HECTD4: variants seen among roughly 807,000 people sequenced by gnomAD.
HECTD4 encodes probable E3 ubiquitin-protein ligase HECTD4.
Under a neutral mutation model 471.5 loss-of-function variants are expected in HECTD4, and 114 were observed. The observed-to-expected ratio is 0.24, with a 90% CI of 0.21 to 0.28. HECTD4 has a LOEUF of 0.28. HECTD4 is among the 10% of genes least tolerant of loss of function. The probability of loss-of-function intolerance (pLI) is 1.00; values close to 1 mark genes in which losing one functional copy is unlikely to be tolerated. For missense variants in HECTD4, 3,866 were observed against 5,651.5 expected, an observed-to-expected ratio of 0.68 and a Z score of 10.13; for synonymous variants, 2,012 against 2,256.0, an observed-to-expected ratio of 0.89 and a Z score of 3.07.
rs773436344 is a variant in HECTD4, at chr12:112,204,514, G to A, written c.8241C>T (p.Asn2747=). ...PTIEDIKDEA[N]KFTIDKVRKG... ...TTCGAACTTTATCAATTGTGAACTT[G>A]TTTGCTTCGTCTTTAATGTCTTCAA... The change falls in exon 53 of 76, where the codon AAC becomes AAT. Residue 2747 remains asparagine, a synonymous_variant. Transcript: ENST00000682272. The A allele has an allele frequency of 1.1e-5, 17 of 1,613,468 alleles. No homozygotes were observed. The highest frequency in any genetic ancestry group is 1.7e-5 in the Admixed American group (1 of 59,930).
chr12:112,360,351 T>C (rs1046018331), intron 1 of HECTD4, among the ~76,000 whole-genome samples: 1 of 152,070 alleles, frequency 6.6e-6, no homozygotes, highest in Non-Finnish European at 1.5e-5. Flanking sequence ...ATGAATAAAA[T>C]GTATAAAGTA....
chr12:112,338,208 T>C (rs1244923611), intron 1 of HECTD4, among the ~76,000 whole-genome samples: 1 of 152,224 alleles, frequency 6.6e-6, no homozygotes, highest in Non-Finnish European at 1.5e-5. Context: ...ATCTCTTCTT[T>C]GTGTAATCTC....
At chr12:112,238,110 C>T (rs1478175204) in intron 34 of HECTD4, among the ~76,000 whole-genome samples, 1 of 152,056 alleles carries the variant, frequency 6.6e-6, no homozygotes, top group African/African-American at 2.4e-5. Context: ...TTTTGCCTGG[C>T]ATATAATAGA....
At chr12:112,207,725 G>A (rs976194901) in intron 52 of HECTD4, 149 bp downstream of exon 52, 10 of 889,158 alleles carry the variant, frequency 1.1e-5, no homozygotes, top group East Asian at 2.7e-5. Flanking sequence ...GAAAACAAAA[G>A]ATCAGAGTTC....
In HECTD4 at chr12:112,382,197, C is replaced by G; in HGVS notation, c.-69G>C. On this transcript the variant is annotated 5_prime_UTR_variant, in exon 1 of 76. Coordinates refer to ENST00000682272, the MANE Select transcript of HECTD4 (RefSeq NM_001388303.1). ...GGGGGAAACGGAGCAGGAGCCGCCG[C>G]GATCACCAGTCCATGGCAGCGGCCG... 8.5e-7 allele frequency: 1 copy of G among 1,170,004 alleles called. No homozygotes were observed. The highest frequency in any genetic ancestry group is 4.4e-5 in the Admixed American group (1 of 22,816). The allele number at this position is 1,170,004 out of a possible 1,614,324, so 72.5% of individuals were successfully genotyped here.
intron 1 of HECTD4, among the ~76,000 whole-genome samples, chr12:112,338,981 C>T (rs1049158942): frequency 3.9e-5 from 6 of 152,092 alleles, no homozygotes; most frequent in South Asian, 2.1e-4. Context: ...TATAATTCAA[C>T]GTGAGATTTG....
chr12:112,294,104 A>G (rs2034954461), intron 7 of HECTD4, among the ~76,000 whole-genome samples: 1 of 151,828 alleles, frequency 6.6e-6, no homozygotes, highest in African/African-American at 2.4e-5. Flanking sequence ...GTCTCACTTT[A>G]TTGCTCAGAC....
Position 112,300,886 on chromosome 12 carries a change from C to CT in HECTD4, c.1335+5177dup, listed in dbSNP as rs201073237. On this transcript the variant is annotated intron_variant, in intron 7 of 75. Coordinates refer to ENST00000682272, the MANE Select transcript of HECTD4 (RefSeq NM_001388303.1). ...CACCCAGCCTGTATTACTTCTTTTT[C>CT]TTTTTCTTTTTTTTTTGAGATGGAG... 9.3e-3 allele frequency among the ~76,000 whole-genome samples: 1,409 copies of CT among 151,512 alleles called. 82 individuals carry two copies. Among genetic ancestry groups the CT allele is most frequent in the Admixed American group, 0.083 (1,244 of 15,056 alleles).
In HECTD4 at chr12:112,188,701, C is replaced by A. The variant is rs1001049523; in HGVS notation, c.9472+2085G>T. The stretch of plus-strand genomic sequence containing the variant: ...GCTGACTTACTAAGTCCAGCACCTA[C>A]CAAAGAGGGGATCAAGCTTCCTGCT... On this transcript the variant is annotated intron_variant, in intron 60 of 75. Transcript: ENST00000682272. This position sits in a 1 kb window ranked among gnomAD's most constrained non-coding sequence, Gnocchi z 4.2. Among the ~76,000 whole-genome samples, 1 of 152,236 alleles carries A rather than the reference C, an allele frequency of 6.6e-6. No individual in the cohort carries two copies. The highest frequency in any genetic ancestry group is 1.5e-5 in the Non-Finnish European group (1 of 68,040).
intron 1 of HECTD4, among the ~76,000 whole-genome samples, chr12:112,345,771 T>C (rs2036137182): frequency 6.6e-6 from 1 of 152,144 alleles, no homozygotes; most frequent in East Asian, 1.9e-4. Flanking sequence ...GGCGGGCACC[T>C]GTAGTCCCAG....
At position 112,259,255 on chromosome 12, in the gene HECTD4, A is replaced by G. The variant is rs747766619; in HGVS notation, c.2884T>C (p.Leu962=). 6 of 1,613,784 alleles carry G rather than the reference A, an allele frequency of 3.7e-6. No individual in the cohort carries two copies. In the South Asian group the frequency reaches 6.6e-5, roughly 18 times the overall value. The change falls in exon 19 of 76, where the codon TTG becomes CTG. Residue 962 remains leucine (L), a synonymous_variant. Coordinates refer to ENST00000682272, the MANE Select transcript of HECTD4 (RefSeq NM_001388303.1). The part of the protein sequence containing the change: ...IADREQRLKG[L]EQVTKATMLG... The stretch of plus-strand genomic sequence containing the variant: ...ATAGTAGCCTTAGTAACTTGTTCCA[A>G]GCCTTTTAACCTACAAAAAGTTCAA...
At chr12:112,273,599 ATT>A in intron 11 of HECTD4, 54 bp downstream of exon 11, 1 of 1,533,280 alleles carries the variant, frequency 6.5e-7, no homozygotes, top group Non-Finnish European at 9.0e-7. Flanking sequence ...ATGCTGTGGT[ATT>A]CTCTCATATT....
At chr12:112,174,574 C>CT (rs1289935717) in intron 66 of HECTD4, among the ~76,000 whole-genome samples, 1 of 149,456 alleles carries the variant, frequency 6.7e-6, no homozygotes, top group African/African-American at 2.5e-5. Flanking sequence ...TTTTCTTTTT[C>CT]TTTTTTTTGA....
intron 21 of HECTD4, among the ~76,000 whole-genome samples, chr12:112,254,421 C>G (rs1190563835): frequency 6.6e-6 from 1 of 152,126 alleles, no homozygotes. Context: ...TATTACCACA[C>G]TTTAATTGGC....
intron 49 of HECTD4, 135 bp downstream of exon 49, chr12:112,212,352 C>G: frequency 1.4e-6 from 1 of 703,038 alleles, no homozygotes; most frequent in Non-Finnish European, 2.4e-6. Context: ...CTCAAGCTGG[C>G]TCTGCCCTTC....
In HECTD4 at chr12:112,381,848, C is replaced by G; in HGVS notation, c.177+104G>C. 1.2e-6 allele frequency: 1 copy of G among 833,112 alleles called. No homozygotes were observed. Among genetic ancestry groups the G allele is most frequent in the Non-Finnish European group, 1.6e-6 (1 of 631,492 alleles). 51.6% of individuals were successfully genotyped at this position (833,112 alleles called of 1,614,324 possible). On this transcript the variant is annotated intron_variant, in intron 1 of 75. Transcript: ENST00000682272. The surrounding 1 kb of genome is among the most constrained non-coding windows in gnomAD (Gnocchi z 4.1). ...GCCCACACACACCTGCCCCGGCAGC[C>G]GCCGGGAGGCGAGGCCGCGGCTGAG...
At position 112,248,522 on chromosome 12, in the gene HECTD4, C is replaced by A; in HGVS notation, c.3951-10G>T. ...TGGCTGAATCACTTCTCTGTGATCACAATGGAAATCAGTCAGATATATGCC... is the reference window on the plus strand; with the variant it reads ...TGGCTGAATCACTTCTCTGTGATCAAAATGGAAATCAGTCAGATATATGCC... On this transcript the variant is annotated splice_polypyrimidine_tract_variant and intron_variant, in intron 25 of 75. Coordinates refer to ENST00000682272, the MANE Select transcript of HECTD4 (RefSeq NM_001388303.1). 6.3e-7 allele frequency: 1 copy of A among 1,575,520 alleles called. No homozygotes were observed. The highest frequency in any genetic ancestry group is 1.2e-5 in the South Asian group (1 of 85,880).
chr12:112,346,572 C>T (rs78917148), intron 1 of HECTD4, among the ~76,000 whole-genome samples: 1,810 of 152,300 alleles, frequency 0.012, 41 homozygotes, highest in African/African-American at 0.042. Context: ...CCAAGACAAG[C>T]ACAAACAAAA....
Position 112,319,426 on chromosome 12 carries a change from C to G in HECTD4, c.494G>C (p.Cys165Ser). Residue 165 changes from cysteine (C) to serine (S), a missense_variant, in exon 2 of 76, where the codon TGT becomes TCT. By Grantham distance (112) the Cys-to-Ser change is moderately radical (BLOSUM62 -1). This residue lies in a region of HECTD4 where 440 missense variants were observed against 636.0 expected (regional missense o/e 0.69). Coordinates refer to ENST00000682272, the MANE Select transcript of HECTD4 (RefSeq NM_001388303.1). This position sits in a 1 kb window ranked among gnomAD's most constrained non-coding sequence, Gnocchi z 5.3. ...CAATAGCACCTCAGCAGTTATGTTA[C>G]AGAGAGAGGGGTCTGTTCTACTCTG... Reference protein sequence around the residue: ...QSQSRTDPSLCNITAEVLLNC... With the variant: ...QSQSRTDPSLSNITAEVLLNC... The G allele has an allele frequency of 1.3e-6, 2 of 1,536,104 alleles. No homozygotes were observed. The highest frequency in any genetic ancestry group is 1.7e-6 in the Non-Finnish European group (2 of 1,146,878).
Sources: gnomAD v4.1 joint callset for allele counts (sites outside exome capture counted in the v4.1 genomes callset) on GRCh38, gnomAD v4.1.1 for gene constraint, gnomAD v4.1.1 regional missense constraint, Gnocchi (gnomAD v3.1) non-coding constraint, MANE v1.5 for transcripts, NCBI Gene and HGNC (gene_info 2026-07-23, HGNC 2026-07-21) for gene names.